SEC24D: variants seen among roughly 807,000 people sequenced by gnomAD.
SEC24D encodes SEC24 homolog D, COPII component, also known as protein transport protein Sec24D.
SEC24D carries 69 observed loss-of-function variants against 116.9 expected under a neutral mutation model. The ratio of observed to expected loss-of-function variants is 0.59; its 90% CI spans 0.49 to 0.72. SEC24D has a LOEUF of 0.72. Ranked by LOEUF, SEC24D falls within the 30% of genes least tolerant of loss-of-function variation. The probability of loss-of-function intolerance (pLI) is 0.00; values close to 1 mark genes in which losing one functional copy is unlikely to be tolerated. For synonymous variants in SEC24D, 405 were observed against 442.8 expected (o/e 0.91, Z 1.07); for missense variants, 1,131 against 1,264.1 (o/e 0.89, Z 1.60).
chr4:118,773,201 G>A (rs35279760), intron 8 of SEC24D, among the ~76,000 whole-genome samples: 2 of 151,504 alleles, frequency 1.3e-5, no homozygotes, highest in Non-Finnish European at 2.9e-5. Context: ...CAGCATCCTA[G>A]GACTCTACAG....
intron 6 of SEC24D, among the ~76,000 whole-genome samples, chr4:118,812,375 T>G (rs776298613): frequency 5.3e-5 from 8 of 152,156 alleles, no homozygotes; most frequent in African/African-American, 1.9e-4. Context: ...GCACTCATCC[T>G]TCCGTGCCCA....
intron 10 of SEC24D, 87 bp from the exon 11 acceptor site, chr4:118,757,932 T>C: frequency 9.3e-7 from 1 of 1,069,680 alleles, no homozygotes; most frequent in Admixed American, 2.7e-5. Flanking sequence ...TTGAAAGTCA[T>C]CAGATGTTTC....
intron 6 of SEC24D, 81 bp from the exon 7 acceptor site, chr4:118,806,035 C>G: frequency 1.2e-6 from 1 of 823,692 alleles, no homozygotes; most frequent in East Asian, 2.6e-5. Flanking sequence ...CCCTTGCTCT[C>G]TCCTCCCTCC....
At chr4:118,770,357 G>C (rs1727842487) in intron 8 of SEC24D, among the ~76,000 whole-genome samples, 7 of 152,152 alleles carry the variant, frequency 4.6e-5, no homozygotes, top group Admixed American at 4.6e-4. Flanking sequence ...GAGATTCTTA[G>C]AACAATAAAT....
At chr4:118,793,046 T>G (rs1729002875) in intron 8 of SEC24D, among the ~76,000 whole-genome samples, 1 of 152,098 alleles carries the variant, frequency 6.6e-6, no homozygotes, top group South Asian at 2.1e-4. Flanking sequence ...AGATCCCAAG[T>G]TCAAGCCTTG....
chr4:118,790,109 G>A (rs1728832493), intron 8 of SEC24D, among the ~76,000 whole-genome samples: 1 of 152,162 alleles, frequency 6.6e-6, no homozygotes, highest in African/African-American at 2.4e-5. Context: ...AAGTTCAGCA[G>A]AGTTCCTAGC....
At chr4:118,749,597 T>A (rs1227105215) in intron 13 of SEC24D, among the ~76,000 whole-genome samples, 4 of 152,198 alleles carry the variant, frequency 2.6e-5, no homozygotes, top group Non-Finnish European at 4.4e-5. Flanking sequence ...GGGCAGAATA[T>A]CCTGAGTTAT....
chr4:118,739,389 A>G (rs1178315732), intron 17 of SEC24D, 102 bp from the exon 18 acceptor site: 2 of 1,033,050 alleles, frequency 1.9e-6, no homozygotes, highest in Non-Finnish European at 1.4e-6. Flanking sequence ...ACAGATAGAT[A>G]AAAGACCTCT....
chr4:118,734,607 C>T (rs940375442), intron 19 of SEC24D, among the ~76,000 whole-genome samples: 9 of 152,160 alleles, frequency 5.9e-5, no homozygotes, highest in African/African-American at 2.2e-4. Flanking sequence ...ATTTATTCTG[C>T]ATCTTAAATT....
intron 11 of SEC24D, 84 bp downstream of exon 11, chr4:118,757,637 T>C (rs1171152598): frequency 2.0e-5 from 26 of 1,304,884 alleles, no homozygotes; most frequent in East Asian, 2.5e-5. Context: ...AAAAAATCAA[T>C]TGGTCATTCA....
At chr4:118,800,837 A>T (rs1026321975) in intron 7 of SEC24D, among the ~76,000 whole-genome samples, 1 of 152,222 alleles carries the variant, frequency 6.6e-6, no homozygotes, top group African/African-American at 2.4e-5. Flanking sequence ...CAAAAGTGGC[A>T]TTAGAACCAA....
At chr4:118,827,439 C>T (rs2110538981) in intron 2 of SEC24D, among the ~76,000 whole-genome samples, 1 of 152,178 alleles carries the variant, frequency 6.6e-6, no homozygotes, top group Non-Finnish European at 1.5e-5. Flanking sequence ...TTAAGACACC[C>T]CCCACCAAAA....
Position 118,805,959 on chromosome 4 carries a change from T to C in SEC24D, c.802-5A>G. On this transcript the variant is annotated splice_region_variant and splice_polypyrimidine_tract_variant and intron_variant, in intron 6 of 22. Coordinates refer to ENST00000280551, the MANE Select transcript of SEC24D (RefSeq NM_014822.4). ...ATCATTCTCAATCACCTGGATCTGA[T>C]AAATAAGACATCAAGAGCCCGTTAA... The C allele has an allele frequency of 6.3e-7, 1 of 1,577,622 alleles. No individual in the cohort carries two copies. Among genetic ancestry groups the C allele is most frequent in the Non-Finnish European group, 8.7e-7 (1 of 1,154,064 alleles).
chr4:118,834,025 C>A (rs1432767049), intron 1 of SEC24D, among the ~76,000 whole-genome samples: 1 of 152,202 alleles, frequency 6.6e-6, no homozygotes, highest in Admixed American at 6.5e-5. Context: ...TGAAGCATCT[C>A]ACAGATAGTC....
chr4:118,830,219 C>A (rs1730786765), intron 2 of SEC24D, among the ~76,000 whole-genome samples: 1 of 152,222 alleles, frequency 6.6e-6, no homozygotes, highest in East Asian at 1.9e-4. Context: ...AAGGAGAAAG[C>A]AGTTTAAACT....
At chr4:118,768,029 C>T in intron 9 of SEC24D, 144 bp downstream of exon 9, 1 of 585,778 alleles carries the variant, frequency 1.7e-6, no homozygotes, top group Non-Finnish European at 2.8e-6. Context: ...TAGAGCCTGT[C>T]ATAGTTGGTT....
chr4:118,758,975 T>C (rs1727240785), intron 10 of SEC24D, among the ~76,000 whole-genome samples: 1 of 152,206 alleles, frequency 6.6e-6, no homozygotes, highest in Non-Finnish European at 1.5e-5. Context: ...CATAGACTTG[T>C]GCTGATTTAT....
intron 11 of SEC24D, among the ~76,000 whole-genome samples, chr4:118,757,120 G>A (rs573310969): frequency 1.3e-5 from 2 of 152,268 alleles, no homozygotes; most frequent in African/African-American, 4.8e-5. Flanking sequence ...AGCACAGTCT[G>A]AAGTCTTGAG....
chr4:118,743,903 G>A (rs1185699597), intron 15 of SEC24D, 85 bp downstream of exon 15: 6 of 1,241,072 alleles, frequency 4.8e-6, no homozygotes, highest in African/African-American at 3.0e-5. Flanking sequence ...ACCCACCAGG[G>A]AACACAGCTT....
Sources: gnomAD v4.1 joint callset for allele counts (sites outside exome capture counted in the v4.1 genomes callset) on GRCh38, gnomAD v4.1.1 for gene constraint, MANE v1.5 for transcripts, NCBI Gene and HGNC (gene_info 2026-07-23, HGNC 2026-07-21) for gene names.